Variants in FRMD3 observed in about 807,000 individuals in gnomAD.
FRMD3 encodes the protein FERM domain-containing protein 3.
In FRMD3, 33 loss-of-function variants were observed where a neutral mutation model predicts 70.2. The observed-to-expected ratio is 0.47, with a 90% CI of 0.36 to 0.63. The LOEUF (loss-of-function observed/expected upper bound fraction) is 0.63. FRMD3 is among the 20% of genes least tolerant of loss of function. The pLI, the probability that FRMD3 is intolerant of heterozygous loss-of-function variation, is 0.00. For synonymous variants in FRMD3, 279 were observed against 255.9 expected, an observed-to-expected ratio of 1.09 and a Z score of -0.86; for missense variants, 632 against 711.4, an observed-to-expected ratio of 0.89 and a Z score of 1.27.
intron 1 of FRMD3, among the ~76,000 whole-genome samples, chr9:83,455,825 A>G (rs542828218): frequency 1.2e-4 from 19 of 152,324 alleles, no homozygotes; most frequent in African/African-American, 4.1e-4. Flanking sequence ...TAAATATTGC[A>G]TAGATTATAT....
At chr9:83,365,457 AAC>A (rs1319025174) in intron 3 of FRMD3, among the ~76,000 whole-genome samples, 3 of 152,138 alleles carry the variant, frequency 2.0e-5, no homozygotes, top group African/African-American at 7.2e-5. Context: ...ACATTTGAAA[AAC>A]AGTTAGTGCT....
chr9:83,493,529 G>A, intron 1 of FRMD3, among the ~76,000 whole-genome samples: 1 of 152,342 alleles, frequency 6.6e-6, no homozygotes, highest in Middle Eastern at 3.4e-3. Flanking sequence ...TATGAAGAGG[G>A]CCCCAGTGGC....
the FRMD3 span, among the ~76,000 whole-genome samples, chr9:83,568,253 AC>A: frequency 1.3e-5 from 2 of 152,078 alleles, no homozygotes; most frequent in African/African-American, 4.8e-5. Context: ...GGATTCAATT[AC>A]CTCCCCCTGG....
rs372704985 is a variant in FRMD3 at position 83,341,510 on chromosome 9, G to A, written c.472+1680C>T. 1.6e-4 allele frequency among the ~76,000 whole-genome samples: 25 copies of A among 152,038 alleles called. No homozygotes were observed. In the South Asian group the frequency reaches 3.5e-3, roughly 21 times the overall value. On this transcript the variant is annotated intron_variant, in intron 5 of 13. Transcript: ENST00000304195. ...CTGGTCTGTTGCTTGGATTAGTATC[G>A]ATTCCCTTGTCTCTTACCTAAGACA... is the stretch of plus-strand genomic sequence containing the variant.
Position 83,369,577 on chromosome 9 carries a change from AAAATAAATAAATAAAT to A in FRMD3, c.295+3320_295+3335del, listed in dbSNP as rs138276429. On this transcript the variant is annotated intron_variant, in intron 3 of 13. Transcript: ENST00000304195. The stretch of plus-strand genomic sequence containing the variant: ...GGATGACAGAGTGAGACTCTGTCTC[AAAATAAATAAATAAAT>A]AAATAAATAAATAAATAAATAAATA... 3.5e-3 allele frequency among the ~76,000 whole-genome samples: 501 copies of A among 142,162 alleles called. 4 individuals carry two copies. The highest frequency in any genetic ancestry group is 9.7e-3 in the African/African-American group (378 of 38,786). 93.3% of individuals were successfully genotyped at this position (142,162 alleles called of 152,430 possible).
At chr9:83,372,797 C>CA (rs1311010539) in intron 3 of FRMD3, 116 bp downstream of exon 3, 2 of 912,934 alleles carry the variant, frequency 2.2e-6, no homozygotes, top group Non-Finnish European at 3.6e-6. Context: ...GAAGCCCCCA[C>CA]ACCCCCCAAC....
In FRMD3 at chr9:83,507,687, CATACATATATATATATATATATATAT is replaced by C. The variant is rs1285605419; in HGVS notation, c.147+30372_147+30397del. 1.9e-3 allele frequency among the ~76,000 whole-genome samples: 89 copies of C among 46,930 alleles called. 7 individuals are homozygous for C. The highest frequency in any genetic ancestry group is 4.1e-3 in the South Asian group (4 of 978). The allele number at this position is 46,930 out of a possible 152,430, so 30.8% of individuals were successfully genotyped here. ...TCCGTCTCAAACAAAAAAAAATATA[CATACATATATATATATATATATATAT>C]ATATATATATATATATATATATATA... On this transcript the variant is annotated intron_variant, in intron 1 of 13. Transcript: ENST00000304195.
chr9:83,312,377 G>C (rs1464375249), intron 7 of FRMD3, among the ~76,000 whole-genome samples: 1 of 152,120 alleles, frequency 6.6e-6, no homozygotes, highest in African/African-American at 2.4e-5. Flanking sequence ...ATCTAATTTT[G>C]ATTCAATCTC....
intron 1 of FRMD3, among the ~76,000 whole-genome samples, chr9:83,425,515 C>T (rs928362685): frequency 2.6e-5 from 4 of 152,122 alleles, no homozygotes; most frequent in African/African-American, 9.7e-5. Flanking sequence ...CAGCAGGCAC[C>T]TTATTCAGAA....
intron 6 of FRMD3, among the ~76,000 whole-genome samples, chr9:83,321,044 A>G (rs770447725): frequency 2.0e-5 from 3 of 151,238 alleles, no homozygotes; most frequent in Non-Finnish European, 3.0e-5. Flanking sequence ...CTCCTTTTTC[A>G]CTTCTGATTG....
intron 12 of FRMD3, among the ~76,000 whole-genome samples, chr9:83,293,636 G>A (rs1051708457): frequency 2.0e-5 from 3 of 152,284 alleles, no homozygotes; most frequent in Admixed American, 2.0e-4. Flanking sequence ...AAGACAGGCT[G>A]GGCTCACCAG....
At chr9:83,450,187 A>ATG (rs747107138) in intron 1 of FRMD3, among the ~76,000 whole-genome samples, 38 of 146,828 alleles carry the variant, frequency 2.6e-4, no homozygotes, top group Non-Finnish European at 5.1e-4. Context: ...GAGCACAGGC[A>ATG]TGTGTGTGTG....
chr9:83,309,892 T>C (rs1448486681), intron 9 of FRMD3, among the ~76,000 whole-genome samples: 1 of 152,240 alleles, frequency 6.6e-6, no homozygotes, highest in Non-Finnish European at 1.5e-5. Flanking sequence ...AGGCATCATC[T>C]ACCTCTCTGT....
intron 13 of FRMD3, among the ~76,000 whole-genome samples, chr9:83,289,701 C>T (rs951165687): frequency 6.6e-6 from 1 of 152,078 alleles, no homozygotes; most frequent in Non-Finnish European, 1.5e-5. Flanking sequence ...AGATTTTCAA[C>T]GATGAAACCA....
At chr9:83,375,881 C>T (rs1239976753) in intron 2 of FRMD3, among the ~76,000 whole-genome samples, 4 of 152,060 alleles carry the variant, frequency 2.6e-5, no homozygotes, top group African/African-American at 4.8e-5. Context: ...TAAAAAAGAC[C>T]GGGCGCAGTG....
chr9:83,319,065 G>GT (rs1423476739), intron 6 of FRMD3, among the ~76,000 whole-genome samples: 2 of 152,008 alleles, frequency 1.3e-5, no homozygotes, highest in African/African-American at 4.8e-5. Flanking sequence ...CAGACCCATA[G>GT]TTTGCAAGTA....
At chr9:83,574,655 T>C in the FRMD3 span, among the ~76,000 whole-genome samples, 1 of 152,140 alleles carries the variant, frequency 6.6e-6, no homozygotes, top group Non-Finnish European at 1.5e-5. Context: ...AAACTATTAA[T>C]AGAATGTGGG....
chr9:83,524,343 T>C (rs1420915379), intron 1 of FRMD3, among the ~76,000 whole-genome samples: 3 of 152,242 alleles, frequency 2.0e-5, no homozygotes, highest in Non-Finnish European at 2.9e-5. Context: ...TTTTCAATTG[T>C]CTACTTATGT....
chr9:83,313,906 G>C (rs748256234), intron 6 of FRMD3, among the ~76,000 whole-genome samples, 159 bp from the exon 7 acceptor site: 1 of 152,064 alleles, frequency 6.6e-6, no homozygotes, highest in East Asian at 1.9e-4. Context: ...TCACCACAAG[G>C]AGTCCTTTAC....
Sources: allele counts gnomAD v4.1 joint callset (sites outside exome capture counted in the v4.1 genomes callset), GRCh38; gene constraint gnomAD v4.1.1; transcripts MANE v1.5; gene names NCBI Gene and HGNC (gene_info 2026-07-23, HGNC 2026-07-21).